C16orf95: variants seen among roughly 807,000 people sequenced by gnomAD.
C16orf95 encodes chromosome 16 open reading frame 95.
Under a neutral mutation model 32.1 loss-of-function variants are expected in C16orf95, and 41 were observed. The observed-to-expected ratio is 1.28, with a 90% CI of 1.00 to 1.66. C16orf95 has a LOEUF of 1.66. Among genes scored for constraint, C16orf95 ranks in the 40% most tolerant of loss-of-function variants. The pLI, the probability that C16orf95 is intolerant of heterozygous loss-of-function variation, is 0.00. For synonymous variants in C16orf95, 147 were observed against 128.9 expected, an observed-to-expected ratio of 1.14 and a Z score of -0.95; for missense variants, 399 against 325.9, an observed-to-expected ratio of 1.22 and a Z score of -1.73.
intron 2 of C16orf95, among the ~76,000 whole-genome samples, 172 bp downstream of exon 2, chr16:87,315,600 G>A (rs369857558): frequency 6.6e-6 from 1 of 152,240 alleles, no homozygotes; most frequent in Admixed American, 6.5e-5. Flanking sequence ...CTGAGGTGTT[G>A]TGAGGGCCTG....
chr16:87,305,836 T>C lies in C16orf95; in HGVS notation c.584A>G (p.Lys195Arg), dbSNP rs777359558. ...GTAGGGGGCCTGGAGCTGCTGGAAC[T>C]TGGACAACAGGCACTCATCACCGCA... The part of the protein sequence containing the change: ...RICGDECLLS[K>R]FQQLQAPYQD... Residue 195 changes from lysine to arginine, a missense_variant, in exon 6 of 7, where the codon AAG becomes AGG. Lys to Arg is a conservative substitution (Grantham distance 26). Transcript: ENST00000567970. The surrounding 1 kb of genome is among the most constrained non-coding windows in gnomAD (Gnocchi z 4.2). 4 of 1,490,648 alleles carry C rather than the reference T, an allele frequency of 2.7e-6. No individual in the cohort carries two copies. The South Asian group carries it at 5.2e-5, about 19-fold the overall frequency. The allele number at this position is 1,490,648 out of a possible 1,614,324, so 92.3% of individuals were successfully genotyped here.
Position 87,305,654 on chromosome 16 carries a change from G to C in C16orf95, c.701+65C>G. Reference sequence around the variant, plus strand: ...CTTCCACATCCCTGATGGCCACCAAGCCTCCCTCAGGTGGACGTCACCATG... The same window carrying C: ...CTTCCACATCCCTGATGGCCACCAACCCTCCCTCAGGTGGACGTCACCATG... On this transcript the variant is annotated intron_variant, in intron 6 of 6. Coordinates refer to ENST00000567970, the MANE Select transcript of C16orf95 (RefSeq NM_001195124.3). The surrounding 1 kb of genome is among the most constrained non-coding windows in gnomAD (Gnocchi z 4.2). 1 of 1,383,438 alleles carries C rather than the reference G, an allele frequency of 7.2e-7. No individual in the cohort carries two copies. The highest frequency in any genetic ancestry group is 2.7e-5 in the East Asian group (1 of 36,754). The allele number at this position is 1,383,438 out of a possible 1,614,324, so 85.7% of individuals were successfully genotyped here. A position where few individuals can be genotyped will look rare whatever the true frequency, so the allele number is the denominator to read the frequency against.
At chr16:87,307,377 T>C (rs1282993024) in intron 5 of C16orf95, among the ~76,000 whole-genome samples, 2 of 152,142 alleles carry the variant, frequency 1.3e-5, no homozygotes, top group African/African-American at 4.8e-5. Context: ...TCAATCTACA[T>C]ACCAGGTCAC....
intron 6 of C16orf95, among the ~76,000 whole-genome samples, chr16:87,304,098 A>G (rs1219280597): frequency 6.6e-6 from 1 of 152,094 alleles, no homozygotes; most frequent in African/African-American, 2.4e-5. Context: ...GCTCACTGCA[A>G]CTGCACTCTC....
chr16:87,307,649 T>C (rs1597343222), intron 5 of C16orf95, among the ~76,000 whole-genome samples: 2 of 152,190 alleles, frequency 1.3e-5, no homozygotes, highest in South Asian at 4.2e-4. Flanking sequence ...TCCCAGCTAC[T>C]TGGGAGGCTG....
chr16:87,306,781 G>A (rs1974880), intron 5 of C16orf95, among the ~76,000 whole-genome samples: 4,112 of 152,220 alleles, frequency 0.027, 83 homozygotes, highest in Middle Eastern at 0.065. Flanking sequence ...ATCTTCTGGC[G>A]TGAATGGGTT....
At chr16:87,310,231 T>A in intron 5 of C16orf95, 66 bp downstream of exon 5, 1 of 1,478,108 alleles carries the variant, frequency 6.8e-7, no homozygotes, top group South Asian at 1.2e-5. Flanking sequence ...CCCACCATCA[T>A]GATGCTCACG....
intron 6 of C16orf95, among the ~76,000 whole-genome samples, chr16:87,304,292 G>A (rs1910899665): frequency 1.7e-5 from 1 of 58,308 alleles, no homozygotes; most frequent in South Asian, 4.5e-4. Flanking sequence ...TCCAGGTGTA[G>A]GCCACCACAC....
intron 1 of C16orf95, among the ~76,000 whole-genome samples, chr16:87,316,315 G>A (rs1157884327): frequency 6.6e-6 from 1 of 152,120 alleles, no homozygotes; most frequent in South Asian, 2.1e-4. Flanking sequence ...CAAAGCACTT[G>A]GGGTTACACA....
At position 87,317,197 on chromosome 16, in the gene C16orf95, G is replaced by A. The variant is rs765830554; in HGVS notation, c.46C>T (p.His16Tyr). Residue 16 changes from histidine (H) to tyrosine (Y), a missense_variant, in exon 1 of 7, where the codon CAT becomes TAT. Transcript: ENST00000567970. ...GAGGCTGCTCCAGTGGCCTCATGAT[G>A]ATGGTGACAACGCCGCGGGGACGGT... ...SPPSPRRCHH[H>Y]HEATGAASGA... 10 of 1,530,318 alleles carry A rather than the reference G, an allele frequency of 6.5e-6. No individual in the cohort carries two copies. In the South Asian group the frequency reaches 1.2e-4, roughly 18 times the overall value. 94.8% of individuals were successfully genotyped at this position (1,530,318 alleles called of 1,614,324 possible).
In C16orf95 at chr16:87,310,287, C is replaced by T; in HGVS notation, c.514+10G>A. 1 of 1,536,110 alleles carries T rather than the reference C, an allele frequency of 6.5e-7. No homozygotes were observed. The highest frequency in any genetic ancestry group is 8.7e-7 in the Non-Finnish European group (1 of 1,146,880). ...GGGGATGATATGAGACACACACACA[C>T]TGGAGTTACCTTGGATGCCTTTCAA... On this transcript the variant is annotated intron_variant, in intron 5 of 6. Coordinates refer to ENST00000567970, the MANE Select transcript of C16orf95 (RefSeq NM_001195124.3).
At chr16:87,310,153 G>A in intron 5 of C16orf95, 144 bp downstream of exon 5, 1 of 834,664 alleles carries the variant, frequency 1.2e-6, no homozygotes, top group African/African-American at 1.7e-5. Flanking sequence ...CTGTTGAGCA[G>A]GGGAAGGGAA....
Position 87,315,034 on chromosome 16 carries a change from A to C in C16orf95, c.267T>G (p.Pro89=). 1 of 1,536,136 alleles carries C rather than the reference A, an allele frequency of 6.5e-7. No individual in the cohort carries two copies. The highest frequency in any genetic ancestry group is 1.2e-5 in the South Asian group (1 of 84,070). The stretch of plus-strand genomic sequence containing the variant: ...GCAGTGCTGCTTCCACCCTGGACAC[A>C]GGCAGGCGGCCCCCGAATCTGGTCT... ...ECQTRFGGRL[P]VSRVEAALPY... The change falls in exon 3 of 7, where the codon CCT becomes CCG. Residue 89 remains proline, a synonymous_variant. Transcript: ENST00000567970.
Position 87,311,229 on chromosome 16 carries a change from A to G in C16orf95, c.398T>C (p.Phe133Ser). The G allele has an allele frequency of 1.3e-6, 2 of 1,535,804 alleles. No homozygotes were observed. The highest frequency in any genetic ancestry group is 1.7e-6 in the Non-Finnish European group (2 of 1,146,652). Residue 133 changes from phenylalanine to serine, a missense_variant, in exon 4 of 7, where the codon TTT becomes TCT. Coordinates refer to ENST00000567970, the MANE Select transcript of C16orf95 (RefSeq NM_001195124.3). Reference protein sequence around the residue: ...AKMCPCLCHRFGGRLPMPRDQ... With the variant: ...AKMCPCLCHRSGGRLPMPRDQ... ...CCTAGGCATCGGGAGGCGGCCCCCA[A>G]AGCGGTGGCATAGGCAGGGGCACAT...
At chr16:87,316,656 G>A (rs534121091) in intron 1 of C16orf95, among the ~76,000 whole-genome samples, 2 of 152,048 alleles carry the variant, frequency 1.3e-5, no homozygotes, top group African/African-American at 2.4e-5. Context: ...GGGAGGGGGG[G>A]GGCCACAGCC....
chr16:87,317,178 G>A lies in C16orf95; in HGVS notation c.65C>T (p.Ala22Val). The change falls in exon 1 of 7, where the codon GCA becomes GTA. Residue 22 changes from alanine (A) to valine (V), a missense_variant. Ala to Val is a moderately conservative substitution (Grantham distance 64). Coordinates refer to ENST00000567970, the MANE Select transcript of C16orf95 (RefSeq NM_001195124.3). ...RCHHHHEATG[A>V]ASGAAAGGPG... ...CCCCCCGGCAGCAGCGCCTGAGGCT[G>A]CTCCAGTGGCCTCATGATGATGGTG... 6.5e-7 allele frequency: 1 copy of A among 1,529,080 alleles called. No homozygotes were observed. The highest frequency in any genetic ancestry group is 8.7e-7 in the Non-Finnish European group (1 of 1,144,060). The allele number at this position is 1,529,080 out of a possible 1,614,324, so 94.7% of individuals were successfully genotyped here.
chr16:87,310,968 C>T (rs766166691), intron 4 of C16orf95, among the ~76,000 whole-genome samples, 182 bp downstream of exon 4: 31 of 152,222 alleles, frequency 2.0e-4, no homozygotes, highest in Non-Finnish European at 2.9e-4. Context: ...CTGAGCCACA[C>T]CTGCCCTCTG....
At chr16:87,314,888 A>G (rs1904305938) in intron 3 of C16orf95, 83 bp downstream of exon 3, 4 of 1,168,392 alleles carry the variant, frequency 3.4e-6, no homozygotes, top group South Asian at 3.0e-5. Flanking sequence ...CATTCATATA[A>G]TACTTCTAAT....
chr16:87,303,110 G>C (rs1238011859), intron 6 of C16orf95, 35 bp from the exon 7 acceptor site: 3 of 1,535,916 alleles, frequency 2.0e-6, no homozygotes, highest in Non-Finnish European at 2.6e-6. Flanking sequence ...CTAGGACCCG[G>C]CCCCAGGCTG....
Sources: gnomAD v4.1 joint callset for allele counts (sites outside exome capture counted in the v4.1 genomes callset) on GRCh38, gnomAD v4.1.1 for gene constraint, Gnocchi (gnomAD v3.1) non-coding constraint, MANE v1.5 for transcripts, NCBI Gene and HGNC (gene_info 2026-07-23, HGNC 2026-07-21) for gene names.